Variants in CACNB2 observed in about 807,000 individuals in gnomAD.
CACNB2 encodes calcium voltage-gated channel auxiliary subunit beta 2, also known as voltage-dependent L-type calcium channel subunit beta-2.
In CACNB2, 42 loss-of-function variants were observed where a neutral mutation model predicts 73.3. The observed-to-expected ratio is 0.57, with a 90% CI of 0.45 to 0.74. CACNB2 has a LOEUF of 0.74. Among genes scored for constraint, CACNB2 ranks in the 30% least tolerant of loss-of-function variants. CACNB2 has a pLI of 0.00. For synonymous variants in CACNB2, 348 were observed against 310.3 expected, an observed-to-expected ratio of 1.12 and a Z score of -1.28; for missense variants, 940 against 853.0, an observed-to-expected ratio of 1.10 and a Z score of -1.27.
At chr10:18,537,505 GGTGGCTCATACCTGTAAT>G (rs1412668844) in intron 12 of CACNB2, among the ~76,000 whole-genome samples, 1 of 151,966 alleles carries the variant, frequency 6.6e-6, no homozygotes, top group Non-Finnish European at 1.5e-5. Context: ...GGCCGGGCAT[GGTGGCTCATACCTGTAAT>G]CCCAGCACTT....
chr10:18,363,643 T>A (rs536852570), intron 2 of CACNB2, among the ~76,000 whole-genome samples: 8 of 152,310 alleles, frequency 5.3e-5, no homozygotes, highest in South Asian at 4.1e-4. Context: ...ATGTTTAAAA[T>A]ATGTATATGA....
At chr10:18,477,374 C>G (rs1299462114) in intron 3 of CACNB2, among the ~76,000 whole-genome samples, 2 of 152,194 alleles carry the variant, frequency 1.3e-5, no homozygotes, top group African/African-American at 4.8e-5. Flanking sequence ...AATGCCTAAA[C>G]TCTTGGGAAT....
intron 2 of CACNB2, among the ~76,000 whole-genome samples, chr10:18,209,611 A>T (rs2035235773): frequency 6.6e-6 from 1 of 152,014 alleles, no homozygotes; most frequent in Non-Finnish European, 1.5e-5. Flanking sequence ...CTGGTTTGGG[A>T]AGAATTGACT....
At chr10:18,436,642 A>G (rs1389713534) in intron 3 of CACNB2, among the ~76,000 whole-genome samples, 3 of 152,212 alleles carry the variant, frequency 2.0e-5, no homozygotes, top group Non-Finnish European at 1.5e-5. Context: ...TTAACTCAAA[A>G]GCACCTGAAA....
chr10:18,220,908 C>A (rs1160216095), intron 2 of CACNB2, among the ~76,000 whole-genome samples: 2 of 152,212 alleles, frequency 1.3e-5, no homozygotes, highest in African/African-American at 4.8e-5. Flanking sequence ...AAACCGGCCT[C>A]TGGTGCCAAA....
chr10:18,358,612 A>G (rs776796205), intron 2 of CACNB2, among the ~76,000 whole-genome samples: 4 of 147,494 alleles, frequency 2.7e-5, no homozygotes, highest in Non-Finnish European at 5.9e-5. Context: ...TGGTTTTCCT[A>G]TACAGGTACA....
chr10:18,198,401 G>T (rs2034722932), intron 2 of CACNB2, among the ~76,000 whole-genome samples: 1 of 152,040 alleles, frequency 6.6e-6, no homozygotes, highest in African/African-American at 2.4e-5. Flanking sequence ...GATTCTTGGG[G>T]CTAGTAGCCA....
intron 6 of CACNB2, among the ~76,000 whole-genome samples, chr10:18,511,781 C>A (rs1164515578): frequency 1.3e-5 from 2 of 152,160 alleles, no homozygotes; most frequent in Admixed American, 6.5e-5. Flanking sequence ...TGAAAGAGGG[C>A]ACCCAGATTG....
chr10:18,144,799 C>G (rs932334579), intron 1 of CACNB2, among the ~76,000 whole-genome samples: 1 of 152,150 alleles, frequency 6.6e-6, no homozygotes, highest in East Asian at 1.9e-4. Context: ...ATTAATTTCA[C>G]CTGTTGCTGT....
At chr10:18,490,701 A>G (rs548902743) in intron 3 of CACNB2, among the ~76,000 whole-genome samples, 57 of 152,332 alleles carry the variant, frequency 3.7e-4, no homozygotes, top group African/African-American at 1.2e-3. Flanking sequence ...GTGGATTTCA[A>G]TAGAATTCCG....
At chr10:18,480,895 C>G (rs1374153543) in intron 3 of CACNB2, among the ~76,000 whole-genome samples, 1 of 152,058 alleles carries the variant, frequency 6.6e-6, no homozygotes, top group Non-Finnish European at 1.5e-5. Context: ...AATAATTTGT[C>G]TAAGGAAATA....
intron 2 of CACNB2, among the ~76,000 whole-genome samples, chr10:18,196,095 C>A (rs996104205): frequency 3.9e-5 from 6 of 152,102 alleles, no homozygotes; most frequent in Admixed American, 1.3e-4. Flanking sequence ...TGATCCACAA[C>A]GTATCCCTGC....
intron 2 of CACNB2, among the ~76,000 whole-genome samples, chr10:18,253,180 A>C (rs1284326967): frequency 6.6e-6 from 1 of 152,182 alleles, no homozygotes; most frequent in East Asian, 1.9e-4. Flanking sequence ...TAGAATAGTG[A>C]CTGGAACTTA....
At chr10:18,152,069 C>T (rs2031608938) in intron 2 of CACNB2, among the ~76,000 whole-genome samples, 1 of 152,122 alleles carries the variant, frequency 6.6e-6, no homozygotes, top group Non-Finnish European at 1.5e-5. Flanking sequence ...TGTGGCACTC[C>T]CCAAGTGCCT....
intron 4 of CACNB2, among the ~76,000 whole-genome samples, chr10:18,500,146 T>C (rs12416030): frequency 0.23 from 35,113 of 152,132 alleles, 4,310 homozygotes; most frequent in South Asian, 0.32. Context: ...TGATTGATGC[T>C]GAAAGGGGGA....
chr10:18,316,470 T>C (rs367862732), intron 2 of CACNB2, among the ~76,000 whole-genome samples: 4 of 146,200 alleles, frequency 2.7e-5, no homozygotes, highest in Non-Finnish European at 4.5e-5. Flanking sequence ...CCCCCTCTCT[T>C]TTTTTTTTTT....
intron 2 of CACNB2, among the ~76,000 whole-genome samples, chr10:18,395,549 CAG>C (rs1207561671): frequency 6.6e-6 from 1 of 152,108 alleles, no homozygotes; most frequent in African/African-American, 2.4e-5. Context: ...AGTTACAGCA[CAG>C]AGTTTCAAAG....
intron 2 of CACNB2, among the ~76,000 whole-genome samples, chr10:18,371,808 C>T (rs1390156014): frequency 6.6e-6 from 1 of 152,216 alleles, no homozygotes; most frequent in Non-Finnish European, 1.5e-5. Context: ...AACTAGTTTA[C>T]AGTCCCACCA....
intron 2 of CACNB2, among the ~76,000 whole-genome samples, chr10:18,166,968 T>C (rs891896243): frequency 6.6e-6 from 1 of 152,134 alleles, no homozygotes; most frequent in Non-Finnish European, 1.5e-5. Context: ...ATCCCCTGAA[T>C]CTCCAAGTCT....
Sources: allele counts gnomAD v4.1 joint callset (sites outside exome capture counted in the v4.1 genomes callset), GRCh38; gene constraint gnomAD v4.1.1; transcripts MANE v1.5; gene names NCBI Gene and HGNC (gene_info 2026-07-23, HGNC 2026-07-21).